Variants in EPHB3 observed in about 807,000 individuals in gnomAD.
EPHB3 encodes EPH receptor B3.
EPHB3 carries 33 observed loss-of-function variants against 100.2 expected under a neutral mutation model. The observed-to-expected ratio is 0.33, with a 90% CI of 0.25 to 0.44. The LOEUF is 0.44. Ranked by LOEUF, EPHB3 falls within the 20% of genes least tolerant of loss-of-function variation. The probability of loss-of-function intolerance (pLI) is 1.00; values close to 1 mark genes in which losing one functional copy is unlikely to be tolerated. For missense variants in EPHB3, 1,045 were observed against 1,378.3 expected (o/e 0.76, Z 3.83); for synonymous variants, 526 against 554.7 (o/e 0.95, Z 0.73).
At position 184,579,783 on chromosome 3, in the gene EPHB3, G is replaced by C. The variant is rs547253938; in HGVS notation, c.2021G>C (p.Arg674Thr). ...IKTLKVGYTE[R>T]QRRDFLSEAS... Reference sequence around the variant, plus strand: ...ACGCTGAAGGTGGGCTACACCGAGAGGCAGCGGCGGGACTTCCTAAGCGAG... The same window carrying C: ...ACGCTGAAGGTGGGCTACACCGAGACGCAGCGGCGGGACTTCCTAAGCGAG... Residue 674 changes from arginine to threonine, a missense_variant, in exon 11 of 16, where the codon AGG becomes ACG. Coordinates refer to ENST00000330394, the MANE Select transcript of EPHB3 (RefSeq NM_004443.4). This position sits in a 1 kb window ranked among gnomAD's most constrained non-coding sequence, Gnocchi z 5.2. The C allele has an allele frequency of 6.2e-7, 1 of 1,613,906 alleles. No individual in the cohort carries two copies. The highest frequency in any genetic ancestry group is 2.2e-5 in the East Asian group (1 of 44,844).
chr3:184,564,979 G>T (rs914181474), intron 1 of EPHB3, among the ~76,000 whole-genome samples: 8 of 152,026 alleles, frequency 5.3e-5, no homozygotes, highest in African/African-American at 1.9e-4. Context: ...TGTGTCTGGG[G>T]CATGACATTT....
In EPHB3 at chr3:184,562,316, G is replaced by T. The variant is rs1010677921; in HGVS notation, c.81G>T (p.Pro27=). 2.7e-5 allele frequency: 34 copies of T among 1,237,942 alleles called. No homozygotes were observed. The African/African-American group carries it at 4.4e-4, about 16-fold the overall frequency. The allele number at this position is 1,237,942 out of a possible 1,614,324, so 76.7% of individuals were successfully genotyped here. ...LPLLPPLLLL[P]LLLLPAGCRA... ...TGCTCCCTCCGCTGCTGCTGCTGCC[G>T]CTGCTGCTGCTGCCCGCCGGCTGCC... Residue 27 remains proline, a synonymous_variant, in exon 1 of 16, where the codon CCG becomes CCT. Coordinates refer to ENST00000330394, the MANE Select transcript of EPHB3 (RefSeq NM_004443.4). The surrounding 1 kb of genome is among the most constrained non-coding windows in gnomAD (Gnocchi z 4.8).
chr3:184,568,940 C>CCTCCCTCG (rs1439706829), intron 1 of EPHB3, among the ~76,000 whole-genome samples: 12 of 136,014 alleles, frequency 8.8e-5, no homozygotes, highest in South Asian at 4.9e-4. Context: ...AGCCTCCCTG[C>CCTCCCTCG]CTCCCTCGCT....
chr3:184,573,222 G>T lies in EPHB3; in HGVS notation c.856+46G>T. Reference sequence around the variant, plus strand: ...GGAAAGGGTTGTCGGGAGGGCCTGGGCCACAGCTACCTACCGCCCCGCCCC... The same window carrying T: ...GGAAAGGGTTGTCGGGAGGGCCTGGTCCACAGCTACCTACCGCCCCGCCCC... On this transcript the variant is annotated intron_variant, in intron 3 of 15. Transcript: ENST00000330394. This position sits in a 1 kb window ranked among gnomAD's most constrained non-coding sequence, Gnocchi z 4.5. 1 of 1,601,638 alleles carries T rather than the reference G, an allele frequency of 6.2e-7. No homozygotes were observed.
chr3:184,575,948 C>T lies in EPHB3; in HGVS notation c.975C>T (p.Tyr325=), dbSNP rs776590971. The part of the protein sequence containing the change: ...ASICTCHNNF[Y]RADSDSADSA... The stretch of plus-strand genomic sequence containing the variant: ...TCTGCACCTGCCACAATAACTTCTA[C>T]CGTGCAGACTCGGACTCTGCGGACA... The change falls in exon 4 of 16, where the codon TAC becomes TAT. Residue 325 remains tyrosine (Y), a synonymous_variant. Transcript: ENST00000330394. 3.7e-6 allele frequency: 6 copies of T among 1,613,878 alleles called. No homozygotes were observed. Among genetic ancestry groups the T allele is most frequent in the Non-Finnish European group, 5.1e-6 (6 of 1,179,876 alleles).
At position 184,576,850 on chromosome 3, in the gene EPHB3, T is replaced by G. The variant is rs763398988; in HGVS notation, c.1021T>G (p.Ser341Ala). 23 of 1,543,550 alleles carry G rather than the reference T, an allele frequency of 1.5e-5. No homozygotes were observed. In the African/African-American group the frequency reaches 2.7e-4, roughly 18 times the overall value. ...CTCCATATTCCTCACAGCCGTGCCA[T>G]CTCCACCCCGAGGTGTGATCTCCAA... ...SADSACTTVP[S>A]PPRGVISNVN... Residue 341 changes from serine to alanine, a missense_variant, in exon 5 of 16, where the codon TCT (serine) becomes GCT (alanine). Ser to Ala is a moderately conservative substitution (Grantham distance 99, BLOSUM62 1). Transcript: ENST00000330394.
chr3:184,564,984 A>T (rs1714347090), intron 1 of EPHB3, among the ~76,000 whole-genome samples: 1 of 151,894 alleles, frequency 6.6e-6, no homozygotes, highest in Admixed American at 6.5e-5. Flanking sequence ...CTGGGGCATG[A>T]CATTTATTTT....
At position 184,577,391 on chromosome 3, in the gene EPHB3, G is replaced by A. The variant is rs1560061795; in HGVS notation, c.1403G>A (p.Ser468Asn). The A allele has an allele frequency of 6.2e-7, 1 of 1,613,940 alleles. No individual in the cohort carries two copies. The highest frequency in any genetic ancestry group is 8.5e-7 in the Non-Finnish European group (1 of 1,180,016). Residue 468 changes from serine (S) to asparagine (N), a missense_variant, in exon 6 of 16, where the codon AGC becomes AAC. Ser to Asn is a conservative substitution (Grantham distance 46). Around this residue, in one of 2 missense-constraint regions of EPHB3, gnomAD observed 985 missense variants for 1,331.1 expected, o/e 0.74. Transcript: ENST00000330394. The surrounding 1 kb of genome is among the most constrained non-coding windows in gnomAD (Gnocchi z 4.9). ...CGCCTGCACAGCAGCTCAGGCAGCA[G>A]CCTCACCCTATCCTGGGCACCCCCA... ...TLRLHSSSGS[S>N]LTLSWAPPER...
rs1714721923 is a variant in EPHB3 at position 184,577,964 on chromosome 3, T to C, written c.1706T>C (p.Val569Ala). The change falls in exon 8 of 16, where the codon GTC becomes GCC. Residue 569 changes from valine to alanine, a missense_variant. Physicochemically the swap from Val to Ala is moderately conservative, Grantham distance 64. Coordinates refer to ENST00000330394, the MANE Select transcript of EPHB3 (RefSeq NM_004443.4). The surrounding 1 kb of genome is among the most constrained non-coding windows in gnomAD (Gnocchi z 4.9). ...GTGGGCTCCGCTACAGCTGGGCTTG[T>C]CTTCGTGGTGGCTGTCGTGGTCATC... ...LIVGSATAGL[V>A]FVVAVVVIAI... The C allele has an allele frequency of 1.2e-6, 2 of 1,614,040 alleles. No homozygotes were observed.
In EPHB3 at chr3:184,581,011, C is replaced by A. The variant is rs762906708; in HGVS notation, c.2578C>A (p.Pro860Thr). ...GGAGCAGGATTACCGGCTGCCACCA[C>A]CCATGGACTGTCCCACAGCACTGCA... The part of the protein sequence containing the change: ...AVEQDYRLPP[P>T]MDCPTALHQL... The change falls in exon 14 of 16, where the codon CCC becomes ACC. Residue 860 changes from proline to threonine, a missense_variant. Coordinates refer to ENST00000330394, the MANE Select transcript of EPHB3 (RefSeq NM_004443.4). 2.5e-6 allele frequency: 4 copies of A among 1,613,938 alleles called. No individual in the cohort carries two copies. The highest frequency in any genetic ancestry group is 1.6e-4 in the Middle Eastern group (1 of 6,084).
Position 184,578,092 on chromosome 3 carries a change from C to T in EPHB3, c.1748+86C>T. ...GCCCTCATGCCACAGAGATGAGCCG[C>T]CACCACTTCCCTCAGACCCAGGGCC... On this transcript the variant is annotated intron_variant, in intron 8 of 15. Transcript: ENST00000330394. This position sits in a 1 kb window ranked among gnomAD's most constrained non-coding sequence, Gnocchi z 4.7. The T allele has an allele frequency of 7.1e-7, 1 of 1,416,908 alleles. No individual in the cohort carries two copies. The allele number at this position is 1,416,908 out of a possible 1,614,324, so 87.8% of individuals were successfully genotyped here.
In EPHB3 at chr3:184,571,278, T is replaced by C. The variant is rs767754779; in HGVS notation, c.119-40T>C. The C allele has an allele frequency of 1.9e-6, 3 of 1,591,958 alleles. No individual in the cohort carries two copies. Among genetic ancestry groups the C allele is most frequent in the Middle Eastern group, 1.7e-4 (1 of 6,026 alleles). On this transcript the variant is annotated intron_variant, in intron 1 of 15. Coordinates refer to ENST00000330394, the MANE Select transcript of EPHB3 (RefSeq NM_004443.4). The surrounding 1 kb of genome is among the most constrained non-coding windows in gnomAD (Gnocchi z 5.0). ...TGTGATCTCTTCTGTCTCCTCAACC[T>C]GAGATTAGTCCCTGACCTTTTTCTC...
chr3:184,573,310 G>C lies in EPHB3; in HGVS notation c.856+134G>C. ...CAGGTCCACAGTGGAGGCAGGAGAGGGAAGAGTGGGGATCAGATGCAGAGA... is the reference window on the plus strand; with the variant it reads ...CAGGTCCACAGTGGAGGCAGGAGAGCGAAGAGTGGGGATCAGATGCAGAGA... On this transcript the variant is annotated intron_variant, in intron 3 of 15. Coordinates refer to ENST00000330394, the MANE Select transcript of EPHB3 (RefSeq NM_004443.4). This position sits in a 1 kb window ranked among gnomAD's most constrained non-coding sequence, Gnocchi z 4.5. The C allele has an allele frequency of 1.9e-6, 2 of 1,062,552 alleles. No individual in the cohort carries two copies. The highest frequency in any genetic ancestry group is 2.7e-6 in the Non-Finnish European group (2 of 739,340). 65.8% of individuals were successfully genotyped at this position (1,062,552 alleles called of 1,614,324 possible). A position where few individuals can be genotyped will look rare whatever the true frequency, so the allele number is the denominator to read the frequency against.
rs1358077817 is a variant in EPHB3 at position 184,582,211 on chromosome 3, C to T, written c.*589C>T. ...GGGCAGGCTGAGGAGTTGCCCTTTG[C>T]CCCCCAGAGACTGACTCTCAGAGCC... On this transcript the variant is annotated 3_prime_UTR_variant, in exon 16 of 16. Transcript: ENST00000330394. 1.2e-5 allele frequency: 2 copies of T among 161,744 alleles called. No homozygotes were observed. The highest frequency in any genetic ancestry group is 1.6e-4 in the South Asian group (1 of 6,440). The allele number at this position is 161,744 out of a possible 1,614,324, so 10.0% of individuals were successfully genotyped here.
Position 184,572,439 on chromosome 3 carries a change from G to T in EPHB3, c.184-65G>T. ...CTGTGAAGTAAATAGAGCAGATCTGGGCACGAGGGAAGCACTTGGCAAATG... is the reference window on the plus strand; with the variant it reads ...CTGTGAAGTAAATAGAGCAGATCTGTGCACGAGGGAAGCACTTGGCAAATG... On this transcript the variant is annotated intron_variant, in intron 2 of 15. Transcript: ENST00000330394. This position sits in a 1 kb window ranked among gnomAD's most constrained non-coding sequence, Gnocchi z 6.6. 6.7e-7 allele frequency: 1 copy of T among 1,503,344 alleles called. No individual in the cohort carries two copies. The highest frequency in any genetic ancestry group is 8.9e-7 in the Non-Finnish European group (1 of 1,129,518). The allele number at this position is 1,503,344 out of a possible 1,614,324, so 93.1% of individuals were successfully genotyped here. A position where few individuals can be genotyped will look rare whatever the true frequency, so the allele number is the denominator to read the frequency against.
In EPHB3 at chr3:184,579,899, T is replaced by C. The variant is rs1485516479; in HGVS notation, c.2137T>C (p.Phe713Leu). The change falls in exon 11 of 16, where the codon TTC becomes CTC. Residue 713 changes from phenylalanine (F) to leucine (L), a missense_variant. By Grantham distance (22) the Phe-to-Leu change is conservative (BLOSUM62 0). Around this residue, in one of 2 missense-constraint regions of EPHB3, gnomAD observed 985 missense variants for 1,331.1 expected, o/e 0.74. Transcript: ENST00000330394. The surrounding 1 kb of genome is among the most constrained non-coding windows in gnomAD (Gnocchi z 5.2). Reference sequence around the variant, plus strand: ...TCGGCCAGTTATGATCCTCACTGAGTTCATGGAAAACTGCGCCCTGGACTC... The same window carrying C: ...TCGGCCAGTTATGATCCTCACTGAGCTCATGGAAAACTGCGCCCTGGACTC... ...KSRPVMILTE[F>L]MENCALDSFL... is the part of the protein sequence containing the mutation. 2 of 1,613,592 alleles carry C rather than the reference T, an allele frequency of 1.2e-6. No homozygotes were observed. Among genetic ancestry groups the C allele is most frequent in the Non-Finnish European group, 1.7e-6 (2 of 1,179,922 alleles).
Position 184,565,097 on chromosome 3 carries a change from C to T in EPHB3, c.118+2744C>T, listed in dbSNP as rs899679619. Among the ~76,000 whole-genome samples, 4 of 152,064 alleles carry T rather than the reference C, an allele frequency of 2.6e-5. 1 individual carries two copies. In the South Asian group the frequency reaches 8.3e-4, roughly 32 times the overall value. On this transcript the variant is annotated intron_variant, in intron 1 of 15. Transcript: ENST00000330394. This position sits in a 1 kb window ranked among gnomAD's most constrained non-coding sequence, Gnocchi z 4.8. Reference sequence around the variant, plus strand: ...TCCCTTCCTGCACACTTGGGGGTCACCAAGACTCTGCATCCAAGGCTGTCA... The same window carrying T: ...TCCCTTCCTGCACACTTGGGGGTCATCAAGACTCTGCATCCAAGGCTGTCA...
At chr3:184,575,592 G>T (rs1004821188) in intron 3 of EPHB3, among the ~76,000 whole-genome samples, 2 of 152,044 alleles carry the variant, frequency 1.3e-5, no homozygotes, top group African/African-American at 4.8e-5. Context: ...ATGAGGCCCC[G>T]GGGTAGGGGT....
At chr3:184,566,993 A>G (rs1263325005) in intron 1 of EPHB3, among the ~76,000 whole-genome samples, 2 of 152,092 alleles carry the variant, frequency 1.3e-5, no homozygotes, top group Non-Finnish European at 2.9e-5. Context: ...CAGGGTGCCC[A>G]TGATGTCCTC....
Sources: allele counts gnomAD v4.1 joint callset (sites outside exome capture counted in the v4.1 genomes callset), GRCh38; gene constraint gnomAD v4.1.1; regional missense constraint gnomAD v4.1.1; non-coding constraint Gnocchi (gnomAD v3.1); transcripts MANE v1.5; gene names NCBI Gene and HGNC (gene_info 2026-07-23, HGNC 2026-07-21).